KCNIP1: variants seen among roughly 807,000 people sequenced by gnomAD.
KCNIP1 encodes A-type potassium channel modulatory protein KCNIP1.
In KCNIP1, 18 loss-of-function variants were observed where a neutral mutation model predicts 33.0. That is an observed-to-expected ratio of 0.55 (90% CI 0.38 to 0.81). The LOEUF (loss-of-function observed/expected upper bound fraction) is 0.81, where lower values mean the gene tolerates loss of function less well. Ranked by LOEUF, KCNIP1 falls within the 30% of genes least tolerant of loss-of-function variation. The pLI is 0.00. For synonymous variants in KCNIP1, 93 were observed against 98.3 expected (o/e 0.95, Z 0.32); for missense variants, 238 against 271.6 (o/e 0.88, Z 0.87).
intron 1 of KCNIP1, among the ~76,000 whole-genome samples, chr5:170,622,007 C>T (rs1759623323): frequency 6.6e-6 from 1 of 152,154 alleles, no homozygotes; most frequent in Non-Finnish European, 1.5e-5. Flanking sequence ...GTGTGACTTG[C>T]AGCAAGTCAT....
At chr5:170,378,601 G>T in intron 1 of KCNIP1, 2 of 1,204,360 alleles carry the variant, frequency 1.7e-6, no homozygotes, top group Non-Finnish European at 2.3e-6. Context: ...TGGAAGAGTG[G>T]GAGGGCAGGT....
chr5:170,695,513 C>T (rs983685790), intron 1 of KCNIP1, among the ~76,000 whole-genome samples: 3 of 152,234 alleles, frequency 2.0e-5, no homozygotes, highest in African/African-American at 7.2e-5. Flanking sequence ...TGATTTTGCA[C>T]TGTATATTCA....
Position 170,416,570 on chromosome 5 carries a change from C to T in KCNIP1, c.88+62606C>T, listed in dbSNP as rs562109798. ...CAGAGCTGGTGTTGAAGGTCTTTGA[C>T]GAAAAAGCTACATTTCTGCATTTAA... On this transcript the variant is annotated intron_variant, in intron 1 of 7. Coordinates refer to the KCNIP1 transcript ENST00000377360. Among the ~76,000 whole-genome samples the T allele has an allele frequency of 5.9e-5, 9 of 152,212 alleles. No homozygotes were observed. The East Asian group carries it at 9.6e-4, about 16-fold the overall frequency.
At chr5:170,433,012 G>T (rs1226752378) in intron 1 of KCNIP1, among the ~76,000 whole-genome samples, 6 of 152,158 alleles carry the variant, frequency 3.9e-5, no homozygotes. Context: ...TTAGATGAGT[G>T]TTAAATAGGA....
chr5:170,672,189 A>G, intron 1 of KCNIP1, among the ~76,000 whole-genome samples: 1 of 152,222 alleles, frequency 6.6e-6, no homozygotes, highest in East Asian at 1.9e-4. Flanking sequence ...CACTTCGTGG[A>G]CTGAGACCTG....
At chr5:170,423,542 C>T (rs1300849014) in intron 1 of KCNIP1, among the ~76,000 whole-genome samples, 1 of 152,138 alleles carries the variant, frequency 6.6e-6, no homozygotes, top group Non-Finnish European at 1.5e-5. Flanking sequence ...CTTAGCATCT[C>T]CCATGATGTC....
At position 170,733,891 on chromosome 5, in the gene KCNIP1, G is replaced by A. The variant is rs1764294999; in HGVS notation, c.596G>A (p.Cys199Tyr). The A allele has an allele frequency of 6.2e-7, 1 of 1,613,368 alleles. No individual in the cohort carries two copies. The highest frequency in any genetic ancestry group is 1.7e-5 in the Admixed American group (1 of 59,988). The change falls in exon 7 of 8, where the codon TGT (cysteine) becomes TAT (tyrosine). Residue 199 changes from cysteine (C) to tyrosine (Y), a missense_variant. By Grantham distance (194) the Cys-to-Tyr change is radical. Coordinates refer to ENST00000328939, the MANE Select transcript of KCNIP1 (RefSeq NM_014592.4). ...ACTTTAGATGAATTTCTTGAATCATGTCAGGAGGTAAGGAGAGATCTCAGG... is the reference window on the plus strand; with the variant it reads ...ACTTTAGATGAATTTCTTGAATCATATCAGGAGGTAAGGAGAGATCTCAGG... ...IVTLDEFLES[C>Y]QEDDNIMRSL...
chr5:170,584,546 T>C (rs952719487), intron 1 of KCNIP1, among the ~76,000 whole-genome samples: 1 of 152,144 alleles, frequency 6.6e-6, no homozygotes, highest in African/African-American at 2.4e-5. Context: ...ACCAGGAATC[T>C]GGCAGGGACA....
At chr5:170,575,067 A>C (rs1757551295) in intron 1 of KCNIP1, among the ~76,000 whole-genome samples, 2 of 152,148 alleles carry the variant, frequency 1.3e-5, no homozygotes, top group Admixed American at 1.3e-4. Flanking sequence ...GGCAGGGTGA[A>C]ATAGAATGGA....
intron 1 of KCNIP1, among the ~76,000 whole-genome samples, chr5:170,707,477 G>A (rs1763298314): frequency 6.6e-6 from 1 of 152,188 alleles, no homozygotes; most frequent in African/African-American, 2.4e-5. Context: ...CTGGATGAAT[G>A]TAACACTGTC....
At chr5:170,662,035 A>T (rs1561749014) in intron 1 of KCNIP1, among the ~76,000 whole-genome samples, 1 of 152,288 alleles carries the variant, frequency 6.6e-6, no homozygotes, top group East Asian at 1.9e-4. Flanking sequence ...TCAGGGGAGG[A>T]CACCAATCCA....
chr5:170,581,521 G>A (rs994935162), intron 1 of KCNIP1, among the ~76,000 whole-genome samples: 8 of 152,352 alleles, frequency 5.3e-5, no homozygotes, highest in African/African-American at 1.9e-4. Flanking sequence ...GTGGACATGA[G>A]TGAATCATTT....
intron 1 of KCNIP1, among the ~76,000 whole-genome samples, chr5:170,545,029 ATTC>A (rs1383745801): frequency 2.0e-5 from 3 of 152,052 alleles, no homozygotes; most frequent in Admixed American, 1.3e-4. Context: ...CAGCCTGAAG[ATTC>A]TTATTTGGTA....
At chr5:170,554,795 C>G (rs1322984025) in intron 1 of KCNIP1, among the ~76,000 whole-genome samples, 1 of 152,142 alleles carries the variant, frequency 6.6e-6, no homozygotes, top group East Asian at 1.9e-4. Flanking sequence ...CTCTCCTTCC[C>G]TCTCTCCTCT....
chr5:170,503,707 ACACGCACG>A (rs1188516367), upstream of KCNIP1, among the ~76,000 whole-genome samples: 3 of 88,650 alleles, frequency 3.4e-5, no homozygotes, highest in Non-Finnish European at 4.8e-5. Flanking sequence ...ACACACACAC[ACACGCACG>A]CACGCACATC....
At chr5:170,732,947 G>C in intron 6 of KCNIP1, 43 bp downstream of exon 6, 1 of 1,252,216 alleles carries the variant, frequency 8.0e-7, no homozygotes, top group Non-Finnish European at 1.2e-6. Context: ...GCCCAGCCTA[G>C]ATCAAGTCAA....
In KCNIP1 at chr5:170,410,124, C is replaced by T. The variant is rs538191513; in HGVS notation, c.88+56160C>T. On this transcript the variant is annotated intron_variant, in intron 1 of 7. Coordinates refer to the KCNIP1 transcript ENST00000377360. ...TGCTGTGAGCCCCTGCCAGCCATCC[C>T]GTCTCATCAGCCTGCCCTGTGCAGG... Among the ~76,000 whole-genome samples, 4 of 152,382 alleles carry T rather than the reference C, an allele frequency of 2.6e-5. No individual in the cohort carries two copies. The East Asian group carries it at 7.7e-4, about 29-fold the overall frequency.
intron 1 of KCNIP1, among the ~76,000 whole-genome samples, chr5:170,633,265 G>A (rs1323466618): frequency 2.0e-5 from 3 of 152,080 alleles, no homozygotes; most frequent in East Asian, 2.0e-4. Context: ...CAGGGGAGGA[G>A]GGGACCGCGA....
chr5:170,427,235 T>C (rs1755634426), intron 1 of KCNIP1, among the ~76,000 whole-genome samples: 1 of 152,206 alleles, frequency 6.6e-6, no homozygotes, highest in Non-Finnish European at 1.5e-5. Context: ...GCCAGCTGTT[T>C]CTGGTGCATT....
Sources: allele counts gnomAD v4.1 joint callset (sites outside exome capture counted in the v4.1 genomes callset), GRCh38; gene constraint gnomAD v4.1.1; transcripts MANE v1.5; gene names NCBI Gene and HGNC (gene_info 2026-07-23, HGNC 2026-07-21).